The following COL27A1 variants were observed in gnomAD, a reference collection of about 807,000 sequenced individuals.
The protein encoded by COL27A1 is collagen alpha-1(XXVII) chain.
In COL27A1, 106 loss-of-function variants were observed where a neutral mutation model predicts 251.3. The ratio of observed to expected loss-of-function variants is 0.42; its 90% confidence interval spans 0.36 to 0.50. The LOEUF (loss-of-function observed/expected upper bound fraction) is 0.50, where lower values mean the gene tolerates loss of function less well. Ranked by LOEUF, COL27A1 falls within the 20% of genes least tolerant of loss-of-function variation. The probability of loss-of-function intolerance (pLI) is 0.00; values close to 1 mark genes in which losing one functional copy is unlikely to be tolerated. For synonymous variants in COL27A1, 1,000 were observed against 986.3 expected (o/e 1.01, Z -0.26); for missense variants, 2,325 against 2,522.8 (o/e 0.92, Z 1.68).
intron 3 of COL27A1, among the ~76,000 whole-genome samples, chr9:114,174,760 G>A (rs115233641): frequency 0.011 from 1,730 of 152,310 alleles, 46 homozygotes; most frequent in African/African-American, 0.04. Flanking sequence ...GTCATACAGA[G>A]CTGTACTGAT....
rs890153913 is a variant in COL27A1, at chr9:114,310,556, A to G, written c.5444A>G (p.Asp1815Gly). 6.2e-7 allele frequency: 1 copy of G among 1,614,124 alleles called. No individual in the cohort carries two copies. Among genetic ancestry groups the G allele is most frequent in the Non-Finnish European group, 8.5e-7 (1 of 1,180,060 alleles). Residue 1815 changes from aspartate (D) to glycine (G), a missense_variant, in exon 61 of 61, where the codon GAT becomes GGT. Physicochemically the swap from Asp to Gly is moderately conservative, Grantham distance 94 (BLOSUM62 -1). Coordinates refer to ENST00000356083, the MANE Select transcript of COL27A1 (RefSeq NM_032888.4). ...TTTTCCTTCTGCCTTCAGGTCCAAGATGGCCGCTGGCATCAGACACTCTTC... is the reference window on the plus strand; with the variant it reads ...TTTTCCTTCTGCCTTCAGGTCCAAGGTGGCCGCTGGCATCAGACACTCTTC... Reference protein sequence around the residue: ...EVSMDGCKVQDGRWHQTLFTF... With the variant: ...EVSMDGCKVQGGRWHQTLFTF...
chr9:114,199,116 T>A (rs1329982362), intron 7 of COL27A1, among the ~76,000 whole-genome samples: 1 of 152,156 alleles, frequency 6.6e-6, no homozygotes, highest in Non-Finnish European at 1.5e-5. Flanking sequence ...GAACTCCATG[T>A]GCACCTCCCA....
chr9:114,198,589 G>C (rs1456396227), intron 7 of COL27A1, among the ~76,000 whole-genome samples: 1 of 152,188 alleles, frequency 6.6e-6, no homozygotes, highest in Non-Finnish European at 1.5e-5. Context: ...AAGCTGCAGG[G>C]CTAGGATTCG....
chr9:114,290,881 C>T lies in COL27A1; in HGVS notation c.4440C>T (p.Ala1480=), dbSNP rs367640996. The T allele has an allele frequency of 9.2e-5, 143 of 1,551,574 alleles. No individual in the cohort carries two copies. The highest frequency in any genetic ancestry group is 1.2e-4 in the Non-Finnish European group (136 of 1,146,994). Residue 1480 remains alanine, a synonymous_variant, in exon 48 of 61, where the codon GCC becomes GCT. Transcript: ENST00000356083. The surrounding 1 kb of genome is among the most constrained non-coding windows in gnomAD (Gnocchi z 4.6). ...PAGKRGNPGV[A]GLPGAQGPPG... ...GGAAGAGAGGAAATCCAGGTGTGGC[C>T]GGCTTACCTGGAGCACAGGGACCCC...
intron 35 of COL27A1, among the ~76,000 whole-genome samples, chr9:114,269,522 G>A (rs1025352430): frequency 6.7e-6 from 1 of 149,520 alleles, no homozygotes; most frequent in Admixed American, 6.7e-5. Flanking sequence ...GGCTGAGGCA[G>A]GAGAATCGCT....
intron 43 of COL27A1, 21 bp downstream of exon 43, chr9:114,288,776 C>A: frequency 6.2e-7 from 1 of 1,608,186 alleles, no homozygotes; most frequent in Non-Finnish European, 8.5e-7. Flanking sequence ...GAGCTCCTAC[C>A]TGCTGGCAGG....
intron 32 of COL27A1, 108 bp downstream of exon 32, chr9:114,265,583 C>T (rs535182234): frequency 1.8e-6 from 2 of 1,107,542 alleles, no homozygotes; most frequent in East Asian, 5.0e-5. Context: ...TGCCTGGCCT[C>T]TAACCCGCTG....
At chr9:114,235,694 G>C (rs775159952) in intron 17 of COL27A1, 42 bp downstream of exon 17, 2 of 1,495,858 alleles carry the variant, frequency 1.3e-6, no homozygotes, top group African/African-American at 1.4e-5. Context: ...CCCTGCCCCT[G>C]CCCTGCTGTT....
intron 3 of COL27A1, among the ~76,000 whole-genome samples, chr9:114,173,673 G>C (rs1055324644): frequency 2.6e-5 from 4 of 152,164 alleles, no homozygotes; most frequent in Admixed American, 6.5e-5. Flanking sequence ...ACCTTTCCAG[G>C]GTCGTTACAT....
rs1488360898 is a variant in COL27A1, at chr9:114,291,066, G to A, written c.4476+149G>A. 3.5e-5 allele frequency: 20 copies of A among 578,604 alleles called. No homozygotes were observed. The East Asian group carries it at 6.2e-4, about 18-fold the overall frequency. The allele number at this position is 578,604 out of a possible 1,614,324, so 35.8% of individuals were successfully genotyped here. A position where few individuals can be genotyped will look rare whatever the true frequency, so the allele number is the denominator to read the frequency against. On this transcript the variant is annotated intron_variant, in intron 48 of 60. Coordinates refer to ENST00000356083, the MANE Select transcript of COL27A1 (RefSeq NM_032888.4). ...TGACCTTTCTCCGTCAGCAGTGCTT[G>A]GGGGTCCTGCCCCAAGCTTGAACCA...
intron 15 of COL27A1, among the ~76,000 whole-genome samples, chr9:114,231,424 G>C (rs1303922759): frequency 6.6e-6 from 1 of 152,174 alleles, no homozygotes. Context: ...CATCACCAGG[G>C]CCATAGAAAC....
intron 41 of COL27A1, 123 bp downstream of exon 41, chr9:114,284,900 C>T: frequency 9.9e-7 from 1 of 1,009,646 alleles, no homozygotes; most frequent in African/African-American, 1.6e-5. Context: ...GGGCTCACCC[C>T]CTGCAGCAGC....
intron 7 of COL27A1, among the ~76,000 whole-genome samples, chr9:114,204,103 C>T (rs1474097523): frequency 6.6e-6 from 1 of 152,114 alleles, no homozygotes; most frequent in African/African-American, 2.4e-5. Flanking sequence ...GTATTTTAGA[C>T]TCTGGAGGAG....
chr9:114,214,238 T>C (rs896162686), intron 12 of COL27A1, among the ~76,000 whole-genome samples: 5 of 152,166 alleles, frequency 3.3e-5, no homozygotes, highest in Non-Finnish European at 5.9e-5. Context: ...GGGGCTCCTG[T>C]CGTGAATGGT....
intron 5 of COL27A1, among the ~76,000 whole-genome samples, chr9:114,191,539 C>G (rs1345368411): frequency 6.6e-6 from 1 of 152,160 alleles, no homozygotes; most frequent in East Asian, 1.9e-4. Flanking sequence ...TCTGTTCCTG[C>G]ATTAGTTTGC....
At chr9:114,212,039 T>C (rs1460119293) in intron 12 of COL27A1, among the ~76,000 whole-genome samples, 1 of 152,218 alleles carries the variant, frequency 6.6e-6, no homozygotes, top group Non-Finnish European at 1.5e-5. Context: ...GATGGGCATG[T>C]TAGCTGTTGG....
At chr9:114,200,655 A>C (rs1288832054) in intron 7 of COL27A1, among the ~76,000 whole-genome samples, 1 of 152,194 alleles carries the variant, frequency 6.6e-6, no homozygotes, top group Non-Finnish European at 1.5e-5. Context: ...GGAATCCTAC[A>C]ATTTCTGAGC....
At chr9:114,293,345 G>C (rs150485025) in intron 49 of COL27A1, among the ~76,000 whole-genome samples, 134 of 152,252 alleles carry the variant, frequency 8.8e-4, no homozygotes, top group Admixed American at 1.9e-3. Flanking sequence ...TTGAATGAAA[G>C]TAAAAAACAG....
At position 114,243,555 on chromosome 9, in the gene COL27A1, G is replaced by T. The variant is rs143200559; in HGVS notation, c.2929G>T (p.Val977Leu). The T allele has an allele frequency of 3.7e-6, 6 of 1,613,186 alleles. No individual in the cohort carries two copies. The highest frequency in any genetic ancestry group is 3.3e-5 in the South Asian group (3 of 91,012). Residue 977 changes from valine to leucine, a missense_variant, in exon 23 of 61, where the codon GTG becomes TTG. Coordinates refer to ENST00000356083, the MANE Select transcript of COL27A1 (RefSeq NM_032888.4). ...TCCTGGGAGGCCCGGCCTGGATGGC[G>T]TGAAGGTGAGGGGACCTGGAGATCC... Reference protein sequence around the residue: ...GFPGRPGLDGVKGEPGDPGRP... With the variant: ...GFPGRPGLDGLKGEPGDPGRP...
Sources: allele counts gnomAD v4.1 joint callset (sites outside exome capture counted in the v4.1 genomes callset), GRCh38; gene constraint gnomAD v4.1.1; non-coding constraint Gnocchi (gnomAD v3.1); transcripts MANE v1.5; gene names NCBI Gene and HGNC (gene_info 2026-07-23, HGNC 2026-07-21).